Variants in OXR1 observed in about 807,000 individuals in gnomAD.
The protein encoded by OXR1 is oxidation resistance 1, also known as oxidation resistance protein 1.
Under a neutral mutation model 104.6 loss-of-function variants are expected in OXR1, and 41 were observed. The ratio of observed to expected loss-of-function variants is 0.39; its 90% confidence interval spans 0.31 to 0.51. OXR1 has a LOEUF of 0.51. OXR1 is among the 20% of genes least tolerant of loss of function. The pLI, the probability that OXR1 is intolerant of heterozygous loss-of-function variation, is 0.77. For synonymous variants in OXR1, 348 were observed against 348.4 expected, an observed-to-expected ratio of 1.00 and a Z score of 0.01; for missense variants, 955 against 1,031.9, an observed-to-expected ratio of 0.93 and a Z score of 1.02.
intron 2 of OXR1, among the ~76,000 whole-genome samples, chr8:106,370,060 C>T (rs1816638830): frequency 6.6e-6 from 1 of 152,132 alleles, no homozygotes; most frequent in Non-Finnish European, 1.5e-5. Context: ...TGTTTGTGTC[C>T]TCTGTTATTT....
intron 8 of OXR1, among the ~76,000 whole-genome samples, chr8:106,703,478 A>C (rs1473174377): frequency 6.6e-6 from 1 of 152,094 alleles, no homozygotes; most frequent in Non-Finnish European, 1.5e-5. Context: ...GAGAGAGGCC[A>C]CATGAGCAAA....
chr8:106,526,582 G>T (rs1670398), intron 3 of OXR1, among the ~76,000 whole-genome samples: 2 of 152,170 alleles, frequency 1.3e-5, no homozygotes, highest in Admixed American at 1.3e-4. Context: ...TCGCTCTGTC[G>T]CCCAGGCTGG....
intron 3 of OXR1, among the ~76,000 whole-genome samples, chr8:106,523,809 C>T (rs1184484776): frequency 6.7e-6 from 1 of 150,230 alleles, no homozygotes; most frequent in Non-Finnish European, 1.5e-5. Context: ...GAGTCTCGCT[C>T]TGTTGCCCAG....
chr8:106,405,908 T>C (rs994010783), intron 2 of OXR1, among the ~76,000 whole-genome samples: 1 of 152,214 alleles, frequency 6.6e-6, no homozygotes, highest in Admixed American at 6.5e-5. Flanking sequence ...TATGCAGTGA[T>C]AGATAACTGA....
intron 12 of OXR1, among the ~76,000 whole-genome samples, chr8:106,738,573 C>T (rs1200658021): frequency 1.3e-5 from 2 of 151,540 alleles, no homozygotes; most frequent in African/African-American, 2.4e-5. Flanking sequence ...GCATATTTTC[C>T]AATTTAAAAG....
chr8:106,447,841 G>A, intron 2 of OXR1: 3 of 1,392,158 alleles, frequency 2.2e-6, no homozygotes, highest in South Asian at 3.2e-5. Flanking sequence ...TGGGATTTGG[G>A]TCTCTTTTTG....
intron 3 of OXR1, among the ~76,000 whole-genome samples, chr8:106,606,042 A>T (rs1299180545): frequency 6.6e-6 from 1 of 152,048 alleles, no homozygotes. Flanking sequence ...TGCAAAAGTT[A>T]GTGGCTTAAA....
chr8:106,273,749 A>C (rs1228015696), intron 1 of OXR1, among the ~76,000 whole-genome samples: 2 of 152,230 alleles, frequency 1.3e-5, no homozygotes, highest in African/African-American at 4.8e-5. Flanking sequence ...GTTTTAAGGA[A>C]ATTAAAGAGG....
chr8:106,511,398 A>G (rs1812515205), intron 2 of OXR1, among the ~76,000 whole-genome samples: 1 of 152,192 alleles, frequency 6.6e-6, no homozygotes, highest in Non-Finnish European at 1.5e-5. Context: ...TTTAGGAAGC[A>G]AAGAGACAGC....
At chr8:106,497,686 A>G (rs1336552902) in intron 2 of OXR1, among the ~76,000 whole-genome samples, 1 of 151,942 alleles carries the variant, frequency 6.6e-6, no homozygotes, top group Non-Finnish European at 1.5e-5. Context: ...GTATTGAATG[A>G]CTCTGATGTT....
intron 3 of OXR1, among the ~76,000 whole-genome samples, chr8:106,566,874 C>G (rs1817114462): frequency 6.6e-6 from 1 of 152,106 alleles, no homozygotes; most frequent in South Asian, 2.1e-4. Context: ...AACAGAAAAT[C>G]AAACAGCGCA....
At chr8:106,676,238 T>C (rs1256309856) in intron 3 of OXR1, among the ~76,000 whole-genome samples, 3 of 152,152 alleles carry the variant, frequency 2.0e-5, no homozygotes, top group Non-Finnish European at 4.4e-5. Flanking sequence ...GAAGGCAGCA[T>C]ATCAATGTTC....
intron 2 of OXR1, among the ~76,000 whole-genome samples, chr8:106,371,233 G>T (rs1189508878): frequency 2.0e-5 from 3 of 151,874 alleles, no homozygotes; most frequent in African/African-American, 4.8e-5. Flanking sequence ...TATTTCTGTG[G>T]GGTCAGTAGT....
intron 1 of OXR1, among the ~76,000 whole-genome samples, chr8:106,308,303 T>C (rs1263246558): frequency 2.0e-5 from 3 of 152,184 alleles, no homozygotes; most frequent in Admixed American, 1.3e-4. Context: ...TTTGTTTATG[T>C]AGGCCCTCAG....
In OXR1 at chr8:106,389,348, G is replaced by A. The variant is rs181758550; in HGVS notation, c.23+29712G>A. Among the ~76,000 whole-genome samples the A allele has an allele frequency of 1.4e-4, 21 of 152,226 alleles. No individual in the cohort carries two copies. In the East Asian group the frequency reaches 3.7e-3, roughly 27 times the overall value. Reference sequence around the variant, plus strand: ...TTTGGTAAGTTAAATTCTGTGAAACGCCCATGTGCTGTCAGTGCTGGTTAA... The same window carrying A: ...TTTGGTAAGTTAAATTCTGTGAAACACCCATGTGCTGTCAGTGCTGGTTAA... On this transcript the variant is annotated intron_variant, in intron 2 of 16. Coordinates refer to ENST00000517566, the MANE Select transcript of OXR1 (RefSeq NM_001198533.2).
intron 1 of OXR1, among the ~76,000 whole-genome samples, chr8:106,320,346 A>G (rs1404475679): frequency 6.6e-6 from 1 of 152,042 alleles, no homozygotes; most frequent in Non-Finnish European, 1.5e-5. Context: ...TTCTCCAAGT[A>G]TTTGTCCCCT....
At chr8:106,590,562 A>C (rs1309358380) in intron 3 of OXR1, among the ~76,000 whole-genome samples, 13 of 152,206 alleles carry the variant, frequency 8.5e-5, no homozygotes, top group Admixed American at 3.3e-4. Context: ...CTGGGATTAC[A>C]GGCATGAGCC....
At chr8:106,480,796 G>A (rs1422194331) in intron 2 of OXR1, among the ~76,000 whole-genome samples, 2 of 151,858 alleles carry the variant, frequency 1.3e-5, no homozygotes, top group African/African-American at 4.8e-5. Context: ...TACCTGCCTT[G>A]CCTATCTCAC....
intron 3 of OXR1, among the ~76,000 whole-genome samples, chr8:106,664,863 A>G (rs1403433725): frequency 6.6e-6 from 1 of 152,240 alleles, no homozygotes; most frequent in Non-Finnish European, 1.5e-5. Flanking sequence ...TGACATCATC[A>G]ATAGGTTTGT....
Sources: allele counts gnomAD v4.1 joint callset (sites outside exome capture counted in the v4.1 genomes callset), GRCh38; gene constraint gnomAD v4.1.1; transcripts MANE v1.5; gene names NCBI Gene and HGNC (gene_info 2026-07-23, HGNC 2026-07-21).